The following TRAF3 variants were observed in gnomAD, a reference collection of about 807,000 sequenced individuals.
TRAF3 encodes TNF receptor associated factor 3, also known as TNF receptor-associated factor 3.
Under a neutral mutation model 62.3 loss-of-function variants are expected in TRAF3, and 13 were observed. That is an observed-to-expected ratio of 0.21 (90% CI 0.14 to 0.33). The LOEUF (loss-of-function observed/expected upper bound fraction) is 0.33, where lower values mean the gene tolerates loss of function less well. Among genes scored for constraint, TRAF3 ranks in the 10% least tolerant of loss-of-function variants. The pLI is 1.00. For missense variants in TRAF3, 440 were observed against 741.8 expected, an observed-to-expected ratio of 0.59 and a Z score of 4.73; for synonymous variants, 269 against 283.4, an observed-to-expected ratio of 0.95 and a Z score of 0.51.
chr14:102,833,225 G>T (rs1885760088), intron 2 of TRAF3, among the ~76,000 whole-genome samples: 1 of 152,204 alleles, frequency 6.6e-6, no homozygotes, highest in African/African-American at 2.4e-5. Context: ...AGTACATGTT[G>T]GGTGAATGAA....
chr14:102,851,875 C>T (rs376476874), intron 2 of TRAF3, among the ~76,000 whole-genome samples: 17 of 151,862 alleles, frequency 1.1e-4, no homozygotes, highest in African/African-American at 3.4e-4. Context: ...GGCAACATGG[C>T]GAGACCCTGT....
chr14:102,871,779 C>G (rs768661923), intron 3 of TRAF3, 138 bp from the exon 4 acceptor site: 1 of 769,420 alleles, frequency 1.3e-6, no homozygotes, highest in Non-Finnish European at 2.3e-6. Context: ...AAGTGAATCA[C>G]CAGGGCGTCC....
intron 2 of TRAF3, among the ~76,000 whole-genome samples, chr14:102,866,289 TA>T: frequency 6.6e-6 from 1 of 152,178 alleles, no homozygotes; most frequent in East Asian, 1.9e-4. Flanking sequence ...AGGGTGGGGA[TA>T]GCATTAGGAG....
chr14:102,873,806 A>T (rs1403166659), intron 4 of TRAF3, among the ~76,000 whole-genome samples: 1 of 152,020 alleles, frequency 6.6e-6, no homozygotes, highest in Admixed American at 6.6e-5. Context: ...TTTGGCTCCA[A>T]ATTAGTTTAT....
At chr14:102,867,956 G>C (rs977119377) in intron 2 of TRAF3, among the ~76,000 whole-genome samples, 24 of 152,166 alleles carry the variant, frequency 1.6e-4, no homozygotes, top group Admixed American at 1.6e-3. Flanking sequence ...ATTCCTGTTT[G>C]CTTCTAGCTG....
chr14:102,816,882 ATGCAGACTCGACCCTGT>A (rs1899563644), intron 1 of TRAF3, among the ~76,000 whole-genome samples: 1 of 152,216 alleles, frequency 6.6e-6, no homozygotes, highest in Admixed American at 6.5e-5. Context: ...AATCTAGCGC[ATGCAGACTCGACCCTGT>A]GGGTCGAGCT....
chr14:102,810,999 A>G (rs1899094276), intron 1 of TRAF3, among the ~76,000 whole-genome samples: 1 of 152,238 alleles, frequency 6.6e-6, no homozygotes, highest in South Asian at 2.1e-4. Context: ...CTTTGTATGT[A>G]TACCCAGAGA....
chr14:102,837,130 G>A (rs1886062610), intron 2 of TRAF3, among the ~76,000 whole-genome samples: 1 of 146,304 alleles, frequency 6.8e-6, no homozygotes, highest in Non-Finnish European at 1.5e-5. Flanking sequence ...GTGTGTGTGT[G>A]TGTGTGTGTG....
intron 8 of TRAF3, among the ~76,000 whole-genome samples, chr14:102,890,851 T>C (rs1044472862): frequency 3.3e-5 from 5 of 152,348 alleles, no homozygotes; most frequent in Admixed American, 6.5e-5. Flanking sequence ...ATTAATACTT[T>C]AGTAAATTCT....
chr14:102,899,901 C>T (rs148102302), intron 10 of TRAF3, among the ~76,000 whole-genome samples: 246 of 152,224 alleles, frequency 1.6e-3, no homozygotes, highest in African/African-American at 5.6e-3. Context: ...ACAGCCAGGC[C>T]GGATGCAGTG....
chr14:102,898,359 G>A (rs1414615544), intron 10 of TRAF3, among the ~76,000 whole-genome samples: 2 of 152,234 alleles, frequency 1.3e-5, no homozygotes, highest in African/African-American at 2.4e-5. Context: ...ATTAAATCAA[G>A]CCAAATAAAG....
chr14:102,823,230 A>G (rs1198349227), intron 1 of TRAF3, among the ~76,000 whole-genome samples: 1 of 151,994 alleles, frequency 6.6e-6, no homozygotes, highest in Non-Finnish European at 1.5e-5. Flanking sequence ...GCATAGGCTT[A>G]TTTTCGTTCT....
intron 1 of TRAF3, among the ~76,000 whole-genome samples, chr14:102,802,987 G>A (rs952600565): frequency 7.2e-5 from 11 of 152,194 alleles, no homozygotes; most frequent in African/African-American, 2.4e-4. Context: ...AAGGAGAAGT[G>A]CAGAGCAAAG....
At chr14:102,835,333 A>G (rs1264748829) in intron 2 of TRAF3, among the ~76,000 whole-genome samples, 2 of 149,814 alleles carry the variant, frequency 1.3e-5, no homozygotes, top group Non-Finnish European at 3.0e-5. Context: ...CATTGTGGAA[A>G]GCAATATGGT....
At chr14:102,862,304 C>G (rs1038066533) in intron 2 of TRAF3, among the ~76,000 whole-genome samples, 2 of 150,718 alleles carry the variant, frequency 1.3e-5, no homozygotes, top group Non-Finnish European at 2.9e-5. Flanking sequence ...GAGACTGAGG[C>G]AGGAGGATTG....
chr14:102,891,559 T>G, intron 9 of TRAF3, 142 bp downstream of exon 9: 1 of 941,152 alleles, frequency 1.1e-6, no homozygotes, highest in Non-Finnish European at 1.6e-6. Flanking sequence ...TGTGTGATCT[T>G]GAGCTTATAA....
chr14:102,857,781 A>G (rs1887456648), intron 2 of TRAF3, among the ~76,000 whole-genome samples: 1 of 152,250 alleles, frequency 6.6e-6, no homozygotes. Context: ...AAGTCCTGGT[A>G]AAACAACTAG....
intron 4 of TRAF3, among the ~76,000 whole-genome samples, chr14:102,874,987 A>G (rs1215987852): frequency 2.0e-5 from 3 of 152,178 alleles, no homozygotes; most frequent in African/African-American, 7.2e-5. Flanking sequence ...AAATCTTTTC[A>G]TTATTAGACT....
intron 4 of TRAF3, among the ~76,000 whole-genome samples, chr14:102,873,962 A>T (rs1888493270): frequency 6.6e-6 from 1 of 152,072 alleles, no homozygotes; most frequent in Non-Finnish European, 1.5e-5. Flanking sequence ...TCGTGTTGTT[A>T]GAAAGAGTGA....
Sources: gnomAD v4.1 joint callset for allele counts (sites outside exome capture counted in the v4.1 genomes callset) on GRCh38, gnomAD v4.1.1 for gene constraint, MANE v1.5 for transcripts, NCBI Gene and HGNC (gene_info 2026-07-23, HGNC 2026-07-21) for gene names.